The following TRANK1 variants were observed in gnomAD, a reference collection of about 807,000 sequenced individuals.
The protein encoded by TRANK1 is tetratricopeptide repeat and ankyrin repeat containing 1.
TRANK1 carries 198 observed loss-of-function variants against 266.0 expected under a neutral mutation model. That is an observed-to-expected ratio of 0.74 (90% CI 0.66 to 0.84). The LOEUF is 0.84. Ranked by LOEUF, TRANK1 falls within the 40% of genes least tolerant of loss-of-function variation. TRANK1 has a pLI of 0.00. For missense variants in TRANK1, 3,326 were observed against 3,634.6 expected (o/e 0.92, Z 2.18); for synonymous variants, 1,396 against 1,384.1 (o/e 1.01, Z -0.19).
rs2079779318 is a variant in TRANK1, at chr3:36,895,687, C to A, written c.505G>T (p.Val169Leu). Reference protein sequence around the residue: ...HIFTTGFPTEVWQSVIEKLAK... With the variant: ...HIFTTGFPTELWQSVIEKLAK... ...AACTTTTCTATTACAGATTGCCACACTTCTGTTGGGAATCCAGTTGTGAAA... is the reference window on the plus strand; with the variant it reads ...AACTTTTCTATTACAGATTGCCACAATTCTGTTGGGAATCCAGTTGTGAAA... Residue 169 changes from valine (V) to leucine (L), a missense_variant, in exon 5 of 24, where the codon GTG (valine) becomes TTG (leucine). Coordinates refer to ENST00000645898, the MANE Select transcript of TRANK1 (RefSeq NM_001329998.2). 4 of 1,536,568 alleles carry A rather than the reference C, an allele frequency of 2.6e-6. No homozygotes were observed. Among genetic ancestry groups the A allele is most frequent in the Non-Finnish European group, 3.5e-6 (4 of 1,146,744 alleles).
At chr3:36,873,601 T>TA (rs1482808651) in intron 9 of TRANK1, among the ~76,000 whole-genome samples, 1 of 152,124 alleles carries the variant, frequency 6.6e-6, no homozygotes, top group Non-Finnish European at 1.5e-5. Flanking sequence ...ATGAAAAACT[T>TA]AGAGTTAAGA....
chr3:36,900,892 C>T (rs1310897439), intron 3 of TRANK1, among the ~76,000 whole-genome samples: 1 of 83,264 alleles, frequency 1.2e-5, no homozygotes, highest in Non-Finnish European at 2.9e-5. Context: ...CAGGTGTTCA[C>T]CAACTGGGTT....
Position 36,852,286 on chromosome 3 carries a change from AAG to A in TRANK1, c.4607_4608del (p.Ser1536PhefsTer2). On this transcript the variant is annotated frameshift_variant, in exon 14 of 24. Transcript: ENST00000645898. LOFTEE classifies it high-confidence loss of function. ...VDLLQFYFPE[S>X]FDRLPRDSGL... is the part of the protein sequence containing the mutation. Reference sequence around the variant, plus strand: ...CCAGAATCCCTTGGAAGGCGATCAAAAGATTCTGGGAAATAGAACTGAAGTAA... The same window carrying A: ...CCAGAATCCCTTGGAAGGCGATCAAAATTCTGGGAAATAGAACTGAAGTAA... 1.2e-6 allele frequency: 2 copies of A among 1,612,026 alleles called. No homozygotes were observed. The highest frequency in any genetic ancestry group is 1.7e-6 in the Non-Finnish European group (2 of 1,179,096).
intron 15 of TRANK1, chr3:36,851,102 C>A (rs1245091041): frequency 1.0e-6 from 1 of 985,394 alleles, no homozygotes; most frequent in African/African-American, 1.7e-5. Flanking sequence ...CACAAGGACT[C>A]AGGAGCCAAG....
chr3:36,927,695 G>A (rs2080307127), intron 1 of TRANK1, among the ~76,000 whole-genome samples: 1 of 152,190 alleles, frequency 6.6e-6, no homozygotes. Context: ...AACAATATTT[G>A]ACAGTGCAGA....
chr3:36,890,012 C>A lies in TRANK1; in HGVS notation c.776-52G>T, dbSNP rs766864173. On this transcript the variant is annotated intron_variant, in intron 7 of 23. Coordinates refer to ENST00000645898, the MANE Select transcript of TRANK1 (RefSeq NM_001329998.2). ...ATGTTTTCCACATACAGAAAGTCAG[C>A]AAAGTTAATTTGTGCAGAAGCAATA... 20 of 1,525,366 alleles carry A rather than the reference C, an allele frequency of 1.3e-5. No homozygotes were observed. In the African/African-American group the frequency reaches 2.8e-4, roughly 21 times the overall value. The allele number at this position is 1,525,366 out of a possible 1,614,324, so 94.5% of individuals were successfully genotyped here.
chr3:36,915,163 G>A (rs1295660256), intron 1 of TRANK1, among the ~76,000 whole-genome samples: 1 of 151,870 alleles, frequency 6.6e-6, no homozygotes, highest in East Asian at 1.9e-4. Context: ...GTGTTAGCCA[G>A]GATGGTCTAA....
intron 23 of TRANK1, 116 bp downstream of exon 23, chr3:36,829,446 TGA>T: frequency 2.3e-6 from 2 of 884,006 alleles, no homozygotes; most frequent in Non-Finnish European, 3.7e-6. Flanking sequence ...TCCTAGACAG[TGA>T]GAGTCCACTA....
chr3:36,909,936 G>A (rs754282120), intron 1 of TRANK1, among the ~76,000 whole-genome samples: 27 of 152,180 alleles, frequency 1.8e-4, no homozygotes, highest in Non-Finnish European at 2.9e-4. Flanking sequence ...TATGTACTAG[G>A]GAATAAAGTA....
At chr3:36,876,221 C>T (rs1173607448) in intron 8 of TRANK1, among the ~76,000 whole-genome samples, 2 of 152,226 alleles carry the variant, frequency 1.3e-5, no homozygotes, top group African/African-American at 4.8e-5. Context: ...AACACCAGAC[C>T]GACTGACACA....
At chr3:36,852,113 T>G in intron 14 of TRANK1, 33 bp downstream of exon 14, 2 of 1,544,526 alleles carry the variant, frequency 1.3e-6, no homozygotes, top group South Asian at 2.5e-5. Context: ...AAACTGTCTT[T>G]TATTTCAAAA....
intron 1 of TRANK1, among the ~76,000 whole-genome samples, chr3:36,915,582 T>C (rs1162777540): frequency 1.1e-4 from 17 of 152,218 alleles, no homozygotes; most frequent in Admixed American, 2.6e-4. Context: ...GGCACTGTGC[T>C]GGGGATCAGG....
intron 9 of TRANK1, among the ~76,000 whole-genome samples, chr3:36,873,735 A>G (rs569130041): frequency 6.6e-6 from 1 of 152,304 alleles, no homozygotes; most frequent in South Asian, 2.1e-4. Flanking sequence ...TGATAAACCA[A>G]GAAATAGAGA....
intron 5 of TRANK1, among the ~76,000 whole-genome samples, chr3:36,893,881 C>A (rs574860350): frequency 1.4e-5 from 2 of 145,128 alleles, no homozygotes; most frequent in Non-Finnish European, 3.0e-5. Context: ...CAGATTGATA[C>A]CCATTCTTTT....
chr3:36,916,818 T>G (rs926934277), intron 1 of TRANK1, among the ~76,000 whole-genome samples: 41 of 151,832 alleles, frequency 2.7e-4, no homozygotes, highest in African/African-American at 9.9e-4. Flanking sequence ...TTTTTTTGTT[T>G]TTTGTTTTTT....
chr3:36,840,591 C>T (rs1011557646), intron 18 of TRANK1, among the ~76,000 whole-genome samples: 4 of 152,232 alleles, frequency 2.6e-5, no homozygotes, highest in African/African-American at 4.8e-5. Context: ...TCAGCAGAAG[C>T]GGCACTGGGC....
chr3:36,940,606 T>C (rs1407647284), intron 1 of TRANK1, among the ~76,000 whole-genome samples: 2 of 152,064 alleles, frequency 1.3e-5, no homozygotes, highest in African/African-American at 4.8e-5. Flanking sequence ...TAGGTACAGC[T>C]CAAAACTGAC....
In TRANK1 at chr3:36,855,626, C is replaced by T. The variant is rs1283580948; in HGVS notation, c.4096G>A (p.Gly1366Arg). 1.2e-6 allele frequency: 2 copies of T among 1,613,768 alleles called. No homozygotes were observed. The highest frequency in any genetic ancestry group is 3.3e-5 in the Admixed American group (2 of 59,998). The change falls in exon 13 of 24, where the codon GGG (glycine) becomes AGG (arginine). Residue 1366 changes from glycine (G) to arginine (R), a missense_variant. Coordinates refer to ENST00000645898, the MANE Select transcript of TRANK1 (RefSeq NM_001329998.2). The part of the protein sequence containing the change: ...GSFEALSCPH[G>R]RLTEEVYKKL... ...TTATATACTTCTTCAGTGAGTCTCC[C>T]ATGGGGACAGCTGAGGGCCTCAAAA...
intron 1 of TRANK1, among the ~76,000 whole-genome samples, chr3:36,916,194 G>A (rs2080121718): frequency 6.6e-6 from 1 of 152,204 alleles, no homozygotes; most frequent in Non-Finnish European, 1.5e-5. Flanking sequence ...AATTAACTTT[G>A]CAATACATAG....
Sources: allele counts gnomAD v4.1 joint callset (sites outside exome capture counted in the v4.1 genomes callset), GRCh38; gene constraint gnomAD v4.1.1; transcripts MANE v1.5; gene names NCBI Gene and HGNC (gene_info 2026-07-23, HGNC 2026-07-21).